The following CANT1 variants were observed in gnomAD, a reference collection of about 807,000 sequenced individuals.
CANT1 encodes soluble calcium-activated nucleotidase 1.
Under a neutral mutation model 30.0 loss-of-function variants are expected in CANT1, and 26 were observed. That is an observed-to-expected ratio of 0.87 (90% CI 0.64 to 1.20). CANT1 has a LOEUF of 1.20. Among genes scored for constraint, CANT1 ranks in the 50% most tolerant of loss-of-function variants. CANT1 has a pLI of 0.00. For synonymous variants in CANT1, 246 were observed against 251.8 expected, an observed-to-expected ratio of 0.98 and a Z score of 0.22; for missense variants, 518 against 563.0, an observed-to-expected ratio of 0.92 and a Z score of 0.81.
At chr17:79,006,934 C>T (rs532655795) in intron 1 of CANT1, among the ~76,000 whole-genome samples, 6 of 152,346 alleles carry the variant, frequency 3.9e-5, no homozygotes, top group Non-Finnish European at 8.8e-5. Flanking sequence ...AACCCGGCAA[C>T]ACCCTCAGAG....
In CANT1 at chr17:78,997,802, G is replaced by A. The variant is rs1036736530; in HGVS notation, c.-23+38C>T. 9 of 549,216 alleles carry A rather than the reference G, an allele frequency of 1.6e-5. No individual in the cohort carries two copies. Among genetic ancestry groups the A allele is most frequent in the East Asian group, 9.0e-5 (3 of 33,274 alleles). 34.0% of individuals were successfully genotyped at this position (549,216 alleles called of 1,614,324 possible). ...TACTCCCTTGGCTTAATGAATTCCC[G>A]ACTCTAGATTCCCGACTCTAGCAGT... On this transcript the variant is annotated intron_variant, in intron 2 of 4. Transcript: ENST00000392446. The surrounding 1 kb of genome is among the most constrained non-coding windows in gnomAD (Gnocchi z 7.5).
chr17:79,005,216 A>G (rs370648618), intron 1 of CANT1, among the ~76,000 whole-genome samples: 754 of 70,288 alleles, frequency 0.011, 11 homozygotes, highest in African/African-American at 0.038. Context: ...GTTAGGGAGA[A>G]GGGAGTTAGG....
In CANT1 at chr17:78,993,041, A is replaced by G; in HGVS notation, c.*509T>C. 1 of 329,712 alleles carries G rather than the reference A, an allele frequency of 3.0e-6. No homozygotes were observed. The highest frequency in any genetic ancestry group is 5.7e-6 in the Non-Finnish European group (1 of 175,048). 20.4% of individuals were successfully genotyped at this position (329,712 alleles called of 1,614,324 possible). A position where few individuals can be genotyped will look rare whatever the true frequency, so the allele number is the denominator to read the frequency against. On this transcript the variant is annotated 3_prime_UTR_variant, in exon 5 of 5. Transcript: ENST00000392446. This position sits in a 1 kb window ranked among gnomAD's most constrained non-coding sequence, Gnocchi z 4.5. ...CAGGGGCCTGCCCTCACTCGTGACCATGCAATACCCTGCAACATAAACATT... is the reference window on the plus strand; with the variant it reads ...CAGGGGCCTGCCCTCACTCGTGACCGTGCAATACCCTGCAACATAAACATT...
intron 1 of CANT1, among the ~76,000 whole-genome samples, chr17:79,001,546 C>T (rs2071261324): frequency 6.6e-6 from 1 of 152,088 alleles, no homozygotes; most frequent in Admixed American, 6.5e-5. Context: ...GAGTCCCCGG[C>T]ACCTCTGTCC....
At chr17:79,000,454 G>A (rs1295550251) in intron 1 of CANT1, among the ~76,000 whole-genome samples, 8 of 142,040 alleles carry the variant, frequency 5.6e-5, no homozygotes, top group Non-Finnish European at 6.1e-5. Flanking sequence ...CTCCGCCCCT[G>A]ACACTCCCAT....
intron 1 of CANT1, among the ~76,000 whole-genome samples, chr17:79,007,114 A>G (rs888544978): frequency 2.0e-5 from 3 of 152,232 alleles, no homozygotes; most frequent in Non-Finnish European, 4.4e-5. Context: ...CCACATGACC[A>G]CTGCACGCAT....
intron 4 of CANT1, 31 bp downstream of exon 4, chr17:78,994,987 C>T: frequency 6.5e-7 from 1 of 1,547,304 alleles, no homozygotes; most frequent in Non-Finnish European, 8.7e-7. Flanking sequence ...CTGTGGAAGC[C>T]ACACTGTGGG....
chr17:79,006,116 C>A (rs556814905), intron 1 of CANT1: 1 of 152,518 alleles, frequency 6.6e-6, no homozygotes, highest in East Asian at 1.9e-4. Context: ...CCTGTCCCCG[C>A]CCCTAGTATC....
In CANT1 at chr17:78,995,075, C is replaced by A. The variant is rs201092090; in HGVS notation, c.778G>T (p.Glu260Ter). ...GCGTTGTAGTTGGACACCCAGTTCT[C>A]GTGGTCCACGCTGCCCTTGTAGCCC... is the stretch of plus-strand genomic sequence containing the variant. ...VVGYKGSVDH[E>*]NWVSNYNALR... The change falls in exon 4 of 5, where the codon GAG becomes TAG. Residue 260 changes from glutamate (E) to a stop codon, truncating the protein, a stop_gained. Coordinates refer to ENST00000392446, the MANE Select transcript of CANT1 (RefSeq NM_001159773.2). LOFTEE classifies it high-confidence loss of function. This position sits in a 1 kb window ranked among gnomAD's most constrained non-coding sequence, Gnocchi z 5.7. 1 of 1,607,812 alleles carries A rather than the reference C, an allele frequency of 6.2e-7. No individual in the cohort carries two copies. Among genetic ancestry groups the A allele is most frequent in the Non-Finnish European group, 8.5e-7 (1 of 1,177,316 alleles).
rs1395003399 is a variant in CANT1 at position 78,996,744 on chromosome 17, C to T, written c.631+248G>A. ...CCGAAAACATCTTGGAGAGATTCCC[C>T]ACGTCTCCCACAGGCCTCTAGCGAT... On this transcript the variant is annotated intron_variant, in intron 3 of 4. Coordinates refer to ENST00000392446, the MANE Select transcript of CANT1 (RefSeq NM_001159773.2). The surrounding 1 kb of genome is among the most constrained non-coding windows in gnomAD (Gnocchi z 5.1). 6.6e-6 allele frequency among the ~76,000 whole-genome samples: 1 copy of T among 152,162 alleles called. No homozygotes were observed. Among genetic ancestry groups the T allele is most frequent in the East Asian group, 1.9e-4 (1 of 5,184 alleles).
chr17:78,998,655 G>C lies in CANT1; in HGVS notation c.-146-692C>G, dbSNP rs928151510. Among the ~76,000 whole-genome samples, 1 of 152,260 alleles carries C rather than the reference G, an allele frequency of 6.6e-6. No homozygotes were observed. Among genetic ancestry groups the C allele is most frequent in the Non-Finnish European group, 1.5e-5 (1 of 68,046 alleles). ...GCATACAGCATGATGGCTCAGTGCA[G>C]CCATGGGGCACCAGGCCCACGTCTG... On this transcript the variant is annotated intron_variant, in intron 1 of 4. Transcript: ENST00000392446. This position sits in a 1 kb window ranked among gnomAD's most constrained non-coding sequence, Gnocchi z 4.5.
intron 1 of CANT1, among the ~76,000 whole-genome samples, chr17:79,003,467 G>C: frequency 6.8e-6 from 1 of 146,576 alleles, no homozygotes; most frequent in African/African-American, 2.5e-5. Context: ...GGGTGGGGGG[G>C]CTCTTTTGTT....
chr17:78,994,523 G>A (rs2070959721), intron 4 of CANT1, among the ~76,000 whole-genome samples: 1 of 152,204 alleles, frequency 6.6e-6, no homozygotes, highest in African/African-American at 2.4e-5. Flanking sequence ...CAGGGCGAGT[G>A]GGGCAGGAAA....
At position 78,992,347 on chromosome 17, in the gene CANT1, G is replaced by T; in HGVS notation, c.*1203C>A. ...TGAGGGTGGGGGTCGGGGTGAGGTA[G>T]TGCTGTGGGGAGGGCACTGTGAATG... On this transcript the variant is annotated 3_prime_UTR_variant, in exon 5 of 5. Transcript: ENST00000392446. The T allele has an allele frequency of 3.8e-6, 1 of 260,144 alleles. No individual in the cohort carries two copies. Among genetic ancestry groups the T allele is most frequent in the Admixed American group, 5.0e-5 (1 of 20,158 alleles). 16.1% of individuals were successfully genotyped at this position (260,144 alleles called of 1,614,324 possible).
chr17:79,000,457 A>C (rs1357656058), intron 1 of CANT1, among the ~76,000 whole-genome samples: 38 of 104,184 alleles, frequency 3.6e-4, no homozygotes, highest in Admixed American at 6.6e-4. Flanking sequence ...CGCCCCTGAC[A>C]CTCCCATACC....
rs151166813 is a variant in CANT1, at chr17:78,998,000, G to A, written c.-146-37C>T. The A allele has an allele frequency of 8.6e-4, 228 of 266,252 alleles. 1 individual carries two copies. Among genetic ancestry groups the A allele is most frequent in the Non-Finnish European group, 1.4e-3 (188 of 138,586 alleles). The allele number at this position is 266,252 out of a possible 1,614,324, so 16.5% of individuals were successfully genotyped here. A position where few individuals can be genotyped will look rare whatever the true frequency, so the allele number is the denominator to read the frequency against. ...AGCGCAGGAGAGTCAGGTGGGAGGG[G>A]AAGGCTGACGGGGTGAAGTGGGATA... On this transcript the variant is annotated intron_variant, in intron 1 of 4. Transcript: ENST00000392446. The surrounding 1 kb of genome is among the most constrained non-coding windows in gnomAD (Gnocchi z 7.5).
Position 78,997,707 on chromosome 17 carries a change from C to T in CANT1, c.-22-63G>A, listed in dbSNP as rs537552349. 1 of 1,420,322 alleles carries T rather than the reference C, an allele frequency of 7.0e-7. No individual in the cohort carries two copies. Among genetic ancestry groups the T allele is most frequent in the South Asian group, 1.5e-5 (1 of 64,706 alleles). 88.0% of individuals were successfully genotyped at this position (1,420,322 alleles called of 1,614,324 possible). Reference sequence around the variant, plus strand: ...CCGCAAGCCCAGTCACATCTTAGTTCCGGAAGCTGCAGGCGCTGGAGGCTG... The same window carrying T: ...CCGCAAGCCCAGTCACATCTTAGTTTCGGAAGCTGCAGGCGCTGGAGGCTG... On this transcript the variant is annotated intron_variant, in intron 2 of 4. Transcript: ENST00000392446. This position sits in a 1 kb window ranked among gnomAD's most constrained non-coding sequence, Gnocchi z 7.5.
chr17:78,995,317 C>T lies in CANT1; in HGVS notation c.632-96G>A. 1 of 1,307,522 alleles carries T rather than the reference C, an allele frequency of 7.6e-7. No homozygotes were observed. Among genetic ancestry groups the T allele is most frequent in the East Asian group, 2.5e-5 (1 of 40,522 alleles). 81.0% of individuals were successfully genotyped at this position (1,307,522 alleles called of 1,614,324 possible). A position where few individuals can be genotyped will look rare whatever the true frequency, so the allele number is the denominator to read the frequency against. On this transcript the variant is annotated intron_variant, in intron 3 of 4. Transcript: ENST00000392446. This position sits in a 1 kb window ranked among gnomAD's most constrained non-coding sequence, Gnocchi z 5.7. ...GCCCCGCACCTGTCCTTAGACCCCG[C>T]ACCTGACTCCCGCCCGGCTCCACAC...
intron 1 of CANT1, among the ~76,000 whole-genome samples, chr17:79,005,129 A>C (rs1290203827): frequency 2.9e-5 from 1 of 34,484 alleles, no homozygotes; most frequent in African/African-American, 2.0e-4. Flanking sequence ...AGTTAGGGAG[A>C]GGGGATTTAG....
Sources: gnomAD v4.1 joint callset for allele counts (sites outside exome capture counted in the v4.1 genomes callset) on GRCh38, gnomAD v4.1.1 for gene constraint, Gnocchi (gnomAD v3.1) non-coding constraint, MANE v1.5 for transcripts, NCBI Gene and HGNC (gene_info 2026-07-23, HGNC 2026-07-21) for gene names.